CACNA2D3: variants seen among roughly 807,000 people sequenced by gnomAD.
CACNA2D3 encodes the protein calcium voltage-gated channel auxiliary subunit alpha2delta 3.
A neutral mutation model predicts 160.6 loss-of-function variants in CACNA2D3; 60 were observed. The ratio of observed to expected loss-of-function variants is 0.37; its 90% CI spans 0.30 to 0.46. CACNA2D3 has a LOEUF of 0.46. CACNA2D3 is among the 20% of genes least tolerant of loss of function. The pLI, the probability that CACNA2D3 is intolerant of heterozygous loss-of-function variation, is 1.00. For missense variants in CACNA2D3, 1,205 were observed against 1,365.0 expected (o/e 0.88, Z 1.85); for synonymous variants, 558 against 492.9 (o/e 1.13, Z -1.75).
At chr3:54,828,875 AT>A (rs1703804537) in intron 14 of CACNA2D3, among the ~76,000 whole-genome samples, 1 of 152,258 alleles carries the variant, frequency 6.6e-6, no homozygotes, top group African/African-American at 2.4e-5. Flanking sequence ...TAAAAGCAAA[AT>A]ATCTTTTTTG....
chr3:54,347,818 T>G (rs1389320966), intron 3 of CACNA2D3, among the ~76,000 whole-genome samples: 4 of 152,118 alleles, frequency 2.6e-5, no homozygotes, highest in African/African-American at 9.7e-5. Context: ...ACCGTGCCTG[T>G]ATAAATGACC....
At chr3:54,883,955 T>G (rs1369561696) in intron 21 of CACNA2D3, among the ~76,000 whole-genome samples, 1 of 152,210 alleles carries the variant, frequency 6.6e-6, no homozygotes, top group Non-Finnish European at 1.5e-5. Context: ...ACTATCTCTT[T>G]TCTGCCACTA....
intron 2 of CACNA2D3, among the ~76,000 whole-genome samples, chr3:54,285,216 G>A (rs1054154374): frequency 1.3e-5 from 2 of 152,268 alleles, no homozygotes; most frequent in East Asian, 3.9e-4. Flanking sequence ...CTGGAAAATC[G>A]GGTCACTCCC....
intron 27 of CACNA2D3, among the ~76,000 whole-genome samples, chr3:54,941,834 T>C (rs1035467651): frequency 1.3e-5 from 2 of 152,140 alleles, no homozygotes; most frequent in Non-Finnish European, 2.9e-5. Flanking sequence ...GGGACATGCA[T>C]TGGCCTCCTC....
chr3:54,553,897 T>C lies in CACNA2D3; in HGVS notation c.545-8903T>C, dbSNP rs148165487. ...GAAAATAAATTTGATTTTGGAGCCA[T>C]GCAGAAAGGCATGATGGACCTTGGC... On this transcript the variant is annotated intron_variant, in intron 5 of 37. Transcript: ENST00000474759. 2.9e-3 allele frequency among the ~76,000 whole-genome samples: 440 copies of C among 152,308 alleles called. 2 individuals carry two copies. Among genetic ancestry groups the C allele is most frequent in the African/African-American group, 0.01 (422 of 41,572 alleles).
rs1326123192 is a variant in CACNA2D3 at position 54,775,055 on chromosome 3, C to T, written c.1380+10704C>T. 2.6e-5 allele frequency among the ~76,000 whole-genome samples: 4 copies of T among 152,180 alleles called. No individual in the cohort carries two copies. In the East Asian group the frequency reaches 7.7e-4, roughly 29 times the overall value. On this transcript the variant is annotated intron_variant, in intron 13 of 37. Coordinates refer to ENST00000474759, the MANE Select transcript of CACNA2D3 (RefSeq NM_018398.3). ...GTTAACTTTCATTACATTTATAAAC[C>T]TTAATTTATTTGCCTTTCAGCATTT...
chr3:54,534,963 A>G (rs540801720), intron 5 of CACNA2D3, among the ~76,000 whole-genome samples: 24 of 152,144 alleles, frequency 1.6e-4, no homozygotes, highest in Non-Finnish European at 2.9e-4. Flanking sequence ...AATGATTCCT[A>G]TCTTCTCCGT....
At chr3:54,171,156 T>G (rs1700561038) in intron 2 of CACNA2D3, among the ~76,000 whole-genome samples, 1 of 144,766 alleles carries the variant, frequency 6.9e-6, no homozygotes, top group Non-Finnish European at 1.5e-5. Context: ...TTTTTTTTTT[T>G]TTAGGAATAG....
At chr3:54,864,728 A>C (rs9809641) in intron 17 of CACNA2D3, among the ~76,000 whole-genome samples, 1 of 152,080 alleles carries the variant, frequency 6.6e-6, no homozygotes, top group African/African-American at 2.4e-5. Context: ...GTCCAGTCCC[A>C]TCAGCAGTTG....
intron 3 of CACNA2D3, among the ~76,000 whole-genome samples, chr3:54,329,399 C>T (rs548898467): frequency 1.2e-4 from 18 of 152,204 alleles, no homozygotes; most frequent in African/African-American, 4.1e-4. Flanking sequence ...GGGCTACACC[C>T]CTTCCCTTTG....
chr3:54,889,434 C>CT (rs1203114024), intron 24 of CACNA2D3, among the ~76,000 whole-genome samples: 1 of 152,154 alleles, frequency 6.6e-6, no homozygotes, highest in Non-Finnish European at 1.5e-5. Context: ...CCACTTGTGG[C>CT]TTGCTTCAGA....
At chr3:55,003,454 A>G (rs1703026132) in intron 31 of CACNA2D3, among the ~76,000 whole-genome samples, 2 of 152,186 alleles carry the variant, frequency 1.3e-5, no homozygotes, top group African/African-American at 2.4e-5. Context: ...AAATGAACTG[A>G]CAAAGGGCAG....
chr3:55,059,794 G>A (rs1007442455), intron 35 of CACNA2D3, among the ~76,000 whole-genome samples: 1 of 152,000 alleles, frequency 6.6e-6, no homozygotes, highest in East Asian at 1.9e-4. Flanking sequence ...ATTGGGGGGT[G>A]GAAAGGGATG....
chr3:54,381,505 AAAATCATTT>A (rs1699102237), intron 3 of CACNA2D3, among the ~76,000 whole-genome samples: 2 of 152,224 alleles, frequency 1.3e-5, no homozygotes, highest in African/African-American at 4.8e-5. Context: ...TGAAGACAAA[AAAATCATTT>A]TCTTTTTCTG....
At chr3:54,273,808 T>A (rs1702675290) in intron 2 of CACNA2D3, among the ~76,000 whole-genome samples, 2 of 152,188 alleles carry the variant, frequency 1.3e-5, no homozygotes, top group South Asian at 2.1e-4. Context: ...AGCTTTAAGC[T>A]ATTCTGGTAA....
chr3:54,195,314 C>G (rs1056304203), intron 2 of CACNA2D3, among the ~76,000 whole-genome samples: 16 of 152,148 alleles, frequency 1.1e-4, no homozygotes, highest in Non-Finnish European at 1.9e-4. Context: ...TGCGTCTGTG[C>G]CTTTGCTAGA....
At chr3:55,051,072 A>G (rs1704193942) in intron 35 of CACNA2D3, among the ~76,000 whole-genome samples, 1 of 151,240 alleles carries the variant, frequency 6.6e-6, no homozygotes. Flanking sequence ...GCTCAGAGTA[A>G]TTTGATTGTC....
At position 54,899,854 on chromosome 3, in the gene CACNA2D3, C is replaced by G; in HGVS notation, c.2435C>G (p.Ser812Cys). The change falls in exon 27 of 38, where the codon TCT becomes TGT. Residue 812 changes from serine (S) to cysteine (C), a missense_variant. Ser to Cys is a moderately radical substitution (Grantham distance 112, BLOSUM62 -1). Transcript: ENST00000474759. ...ATCCAGCTCCTGGATGAACGGAAAT[C>G]TCCTGTGGTGGCAGGTAAATAATTG... ...TSIQLLDERKSPVVAAVGIQM... is the reference protein window; with the variant it reads ...TSIQLLDERKCPVVAAVGIQM... 6.2e-7 allele frequency: 1 copy of G among 1,601,768 alleles called. No individual in the cohort carries two copies. The highest frequency in any genetic ancestry group is 8.5e-7 in the Non-Finnish European group (1 of 1,173,432).
At chr3:54,812,698 G>C (rs1703350046) in intron 13 of CACNA2D3, among the ~76,000 whole-genome samples, 1 of 152,202 alleles carries the variant, frequency 6.6e-6, no homozygotes. Context: ...GTAGGTTTGT[G>C]CTGCTATTGT....
Sources: allele counts gnomAD v4.1 joint callset (sites outside exome capture counted in the v4.1 genomes callset), GRCh38; gene constraint gnomAD v4.1.1; transcripts MANE v1.5; gene names NCBI Gene and HGNC (gene_info 2026-07-23, HGNC 2026-07-21).